Variants in CDH24 observed in about 807,000 individuals in gnomAD.
CDH24 encodes the protein cadherin-24.
A neutral mutation model predicts 71.2 loss-of-function variants in CDH24; 61 were observed. The ratio of observed to expected loss-of-function variants is 0.86; its 90% CI spans 0.70 to 1.06. The LOEUF (loss-of-function observed/expected upper bound fraction) is 1.06, where lower values mean the gene tolerates loss of function less well. CDH24 is among the 50% of genes least tolerant of loss of function. The pLI, the probability that CDH24 is intolerant of heterozygous loss-of-function variation, is 0.00. For synonymous variants in CDH24, 440 were observed against 470.2 expected (o/e 0.94, Z 0.83); for missense variants, 961 against 1,083.7 (o/e 0.89, Z 1.59).
rs763750585 is a variant in CDH24 at position 23,054,179 on chromosome 14, CTG to C, written c.932_933del (p.Thr311ArgfsTer18). 2 of 1,612,324 alleles carry C rather than the reference CTG, an allele frequency of 1.2e-6. No homozygotes were observed. Among genetic ancestry groups the C allele is most frequent in the Non-Finnish European group, 1.7e-6 (2 of 1,179,198 alleles). On this transcript the variant is annotated frameshift_variant, in exon 6 of 13. Coordinates refer to ENST00000487137, the MANE Select transcript of CDH24 (RefSeq NM_144985.4). LOFTEE classifies it high-confidence loss of function. The surrounding 1 kb of genome is among the most constrained non-coding windows in gnomAD (Gnocchi z 5.2). ...GEGSEAFSIS[T>X]DLQGRDGLLT... ...AGGAGCCCGTCTCGACCCTGCAAGT[CTG>C]TGCTGATGCTGAAGGCCTCAGACCC...
Position 23,055,197 on chromosome 14 carries a change from G to T in CDH24, c.358C>A (p.Gln120Lys), listed in dbSNP as rs1566724601. The change falls in exon 3 of 13, where the codon CAA (glutamine) becomes AAA (lysine). Residue 120 changes from glutamine to lysine, a missense_variant. This residue lies in a region of CDH24 where 671 missense variants were observed against 810.9 expected (regional missense o/e 0.83). Coordinates refer to ENST00000487137, the MANE Select transcript of CDH24 (RefSeq NM_144985.4). This position sits in a 1 kb window ranked among gnomAD's most constrained non-coding sequence, Gnocchi z 4.1. The part of the protein sequence containing the change: ...EEKAQYVLLA[Q>K]AVDRASNRPL... ...CGGTTGGAGGCTCGGTCCACGGCTT[G>T]GGCCAGTAGCACATATTGCGCCTTT... 6.2e-7 allele frequency: 1 copy of T among 1,614,180 alleles called. No homozygotes were observed. The highest frequency in any genetic ancestry group is 8.5e-7 in the Non-Finnish European group (1 of 1,180,028).
At position 23,049,817 on chromosome 14, in the gene CDH24, C is replaced by T. The variant is rs768549590; in HGVS notation, c.1485+5G>A. 4 of 1,613,800 alleles carry T rather than the reference C, an allele frequency of 2.5e-6. No homozygotes were observed. Among genetic ancestry groups the T allele is most frequent in the South Asian group, 1.1e-5 (1 of 91,072 alleles). On this transcript the variant is annotated splice_donor_5th_base_variant and intron_variant, in intron 9 of 12. Transcript: ENST00000487137. The stretch of plus-strand genomic sequence containing the variant: ...CGTCCCAACCCCTCTGCCTCAGTTG[C>T]TCACCTGGCCAGGAGCTGCAGAGTC...
At position 23,047,850 on chromosome 14, in the gene CDH24, A is replaced by T; in HGVS notation, c.*130T>A. The T allele has an allele frequency of 1.9e-6, 1 of 539,062 alleles. No homozygotes were observed. Among genetic ancestry groups the T allele is most frequent in the Non-Finnish European group, 2.8e-6 (1 of 355,962 alleles). 33.4% of individuals were successfully genotyped at this position (539,062 alleles called of 1,614,324 possible). On this transcript the variant is annotated 3_prime_UTR_variant, in exon 12 of 13. Transcript: ENST00000487137. Reference sequence around the variant, plus strand: ...GCGAGGGTGCCCCGGGGAAGCAAGGAGGGACACAAGGACAGGGAGGAGGCC... The same window carrying T: ...GCGAGGGTGCCCCGGGGAAGCAAGGTGGGACACAAGGACAGGGAGGAGGCC...
In CDH24 at chr14:23,054,686, G is replaced by A; in HGVS notation, c.617-13C>T. On this transcript the variant is annotated splice_polypyrimidine_tract_variant and intron_variant, in intron 4 of 12. Coordinates refer to ENST00000487137, the MANE Select transcript of CDH24 (RefSeq NM_144985.4). This position sits in a 1 kb window ranked among gnomAD's most constrained non-coding sequence, Gnocchi z 5.2. ...GTACGCACCACTCCTAGGGAGAGAT[G>A]CTGGTCAGAGGGTGTCTGTCCCCTT... 6.2e-7 allele frequency: 1 copy of A among 1,614,018 alleles called. No homozygotes were observed. Among genetic ancestry groups the A allele is most frequent in the Non-Finnish European group, 8.5e-7 (1 of 1,179,946 alleles).
chr14:23,055,103 G>A lies in CDH24; in HGVS notation c.452C>T (p.Pro151Leu), dbSNP rs1334405452. The A allele has an allele frequency of 6.2e-7, 1 of 1,613,890 alleles. No individual in the cohort carries two copies. The change falls in exon 3 of 13, where the codon CCC becomes CTC. Residue 151 changes from proline (P) to leucine (L), a missense_variant. Physicochemically the swap from Pro to Leu is moderately conservative, Grantham distance 98. Transcript: ENST00000487137. The surrounding 1 kb of genome is among the most constrained non-coding windows in gnomAD (Gnocchi z 4.1). ...CACGGTGGCATGGTAGGGCCCAAGG[G>A]GAAAAATGGGTGGATTGTCGTTGAT... ...QDINDNPPIFPLGPYHATVPE... is the reference protein window; with the variant it reads ...QDINDNPPIFLLGPYHATVPE...
chr14:23,055,072 C>T lies in CDH24; in HGVS notation c.483G>A (p.Glu161=), dbSNP rs754111616. Residue 161 remains glutamate (E), a synonymous_variant, in exon 3 of 13, where the codon GAG becomes GAA. Coordinates refer to ENST00000487137, the MANE Select transcript of CDH24 (RefSeq NM_144985.4). The surrounding 1 kb of genome is among the most constrained non-coding windows in gnomAD (Gnocchi z 4.1). ...TGGGGTGCTCACCGACATTGGACATCTCGGGCACGGTGGCATGGTAGGGCC... is the reference window on the plus strand; with the variant it reads ...TGGGGTGCTCACCGACATTGGACATTTCGGGCACGGTGGCATGGTAGGGCC... ...PLGPYHATVP[E]MSNVGTSVIQ... is the part of the protein sequence containing the mutation. The T allele has an allele frequency of 6.2e-7, 1 of 1,611,328 alleles. No individual in the cohort carries two copies. Among genetic ancestry groups the T allele is most frequent in the South Asian group, 1.1e-5 (1 of 90,992 alleles).
rs745895687 is a variant in CDH24 at position 23,048,310 on chromosome 14, G to C, written c.2016C>G (p.Ala672=). ...GCGCGGGAGGGCCGGGCGCCGGGGG[G>C]GCCGCCCCGTCCGGGTTCTGCAAGG... ...ITALQNPDGA[A]PPAPGPPARR... The change falls in exon 12 of 13, where the codon GCC becomes GCG. Residue 672 remains alanine (A), a synonymous_variant. Transcript: ENST00000487137. The C allele has an allele frequency of 5.0e-6, 8 of 1,605,704 alleles. No individual in the cohort carries two copies. Among genetic ancestry groups the C allele is most frequent in the South Asian group, 2.2e-5 (2 of 90,652 alleles).
rs758584374 is a variant in CDH24 at position 23,054,487 on chromosome 14, G to A, written c.784+19C>T. On this transcript the variant is annotated intron_variant, in intron 5 of 12. Transcript: ENST00000487137. The surrounding 1 kb of genome is among the most constrained non-coding windows in gnomAD (Gnocchi z 5.2). Reference sequence around the variant, plus strand: ...GGGGTGATCAAAGGATGGCTCAGGTGGCAGCAATGGCCCCTTACTCTGTGG... The same window carrying A: ...GGGGTGATCAAAGGATGGCTCAGGTAGCAGCAATGGCCCCTTACTCTGTGG... 1 of 1,606,598 alleles carries A rather than the reference G, an allele frequency of 6.2e-7. No homozygotes were observed. Among genetic ancestry groups the A allele is most frequent in the African/African-American group, 1.3e-5 (1 of 74,844 alleles).
chr14:23,054,696 G>A lies in CDH24; in HGVS notation c.617-23C>T. 6.2e-7 allele frequency: 1 copy of A among 1,613,990 alleles called. No homozygotes were observed. The highest frequency in any genetic ancestry group is 1.3e-5 in the African/African-American group (1 of 75,010). ...CTCCTAGGGAGAGATGCTGGTCAGA[G>A]GGTGTCTGTCCCCTTGGCTGCCCCA... On this transcript the variant is annotated intron_variant, in intron 4 of 12. Coordinates refer to ENST00000487137, the MANE Select transcript of CDH24 (RefSeq NM_144985.4). This position sits in a 1 kb window ranked among gnomAD's most constrained non-coding sequence, Gnocchi z 5.2.
In CDH24 at chr14:23,051,498, T is replaced by C. The variant is rs1012904731; in HGVS notation, c.1363+975A>G. Among the ~76,000 whole-genome samples the C allele has an allele frequency of 6.6e-6, 1 of 152,028 alleles. No individual in the cohort carries two copies. Among genetic ancestry groups the C allele is most frequent in the South Asian group, 2.1e-4 (1 of 4,834 alleles). On this transcript the variant is annotated intron_variant, in intron 8 of 12. Coordinates refer to ENST00000487137, the MANE Select transcript of CDH24 (RefSeq NM_144985.4). This position sits in a 1 kb window ranked among gnomAD's most constrained non-coding sequence, Gnocchi z 4.4. ...CAAATACCCACATACACAAAACACATACAAACAGCTACATGTGCATACCAC... is the reference window on the plus strand; with the variant it reads ...CAAATACCCACATACACAAAACACACACAAACAGCTACATGTGCATACCAC...
In CDH24 at chr14:23,048,498, C is replaced by T. The variant is rs745873277; in HGVS notation, c.1847-19G>A. 9.4e-6 allele frequency: 15 copies of T among 1,599,886 alleles called. No homozygotes were observed. The highest frequency in any genetic ancestry group is 1.3e-5 in the African/African-American group (1 of 74,782). ...ACCAGGGCTGCGCGAGAGGCGCGCACACAGGCCCTGAGCCAGCAGGGCCGG... is the reference window on the plus strand; with the variant it reads ...ACCAGGGCTGCGCGAGAGGCGCGCATACAGGCCCTGAGCCAGCAGGGCCGG... On this transcript the variant is annotated intron_variant, in intron 11 of 12. Transcript: ENST00000487137.
At chr14:23,052,366 C>T (rs561328002) in intron 8 of CDH24, 107 bp downstream of exon 8, 33 of 1,235,502 alleles carry the variant, frequency 2.7e-5, no homozygotes, top group Admixed American at 2.2e-4. Flanking sequence ...AGTGGCCGCA[C>T]GCTGGTGAGG....
chr14:23,049,611 GTAGGAGGCCACC>G lies in CDH24; in HGVS notation c.1597+4_1597+15del. On this transcript the variant is annotated splice_donor_5th_base_variant and intron_variant, in intron 10 of 12. Transcript: ENST00000487137. ...GACAGAGGCAGGTATGGACATGGCT[GTAGGAGGCCACC>G]TACCTCGGTTGTCCTGGACAGTAAA... 7.0e-7 allele frequency: 1 copy of G among 1,435,470 alleles called. No individual in the cohort carries two copies. The highest frequency in any genetic ancestry group is 1.3e-5 in the South Asian group (1 of 76,408). 88.9% of individuals were successfully genotyped at this position (1,435,470 alleles called of 1,614,324 possible). A position where few individuals can be genotyped will look rare whatever the true frequency, so the allele number is the denominator to read the frequency against.
At position 23,054,748 on chromosome 14, in the gene CDH24, A is replaced by C; in HGVS notation, c.615T>G (p.Thr205=). ...GLPFFSVDPQ[T]GVVRTAIPNM... is the part of the protein sequence containing the mutation. ...CGGGCTCCCAGGCTCCATCCTCACC[A>C]GTCTGGGGGTCCACAGAGAAGAAAG... is the stretch of plus-strand genomic sequence containing the variant. The change falls in exon 4 of 13, where the codon ACT becomes ACG. Residue 205 remains threonine (T), a splice_region_variant and synonymous_variant. Transcript: ENST00000487137. This position sits in a 1 kb window ranked among gnomAD's most constrained non-coding sequence, Gnocchi z 5.2. 6.2e-7 allele frequency: 1 copy of C among 1,614,106 alleles called. No homozygotes were observed. The highest frequency in any genetic ancestry group is 8.5e-7 in the Non-Finnish European group (1 of 1,179,990).
chr14:23,049,957 A>T lies in CDH24; in HGVS notation c.1364-14T>A. On this transcript the variant is annotated splice_polypyrimidine_tract_variant and intron_variant, in intron 8 of 12. Coordinates refer to ENST00000487137, the MANE Select transcript of CDH24 (RefSeq NM_144985.4). ...GTGCAGAACTGTCTGAAGGCAGAAC[A>T]CCAAAACATACACGCCACACACACA... 1 of 1,609,238 alleles carries T rather than the reference A, an allele frequency of 6.2e-7. No individual in the cohort carries two copies. Among genetic ancestry groups the T allele is most frequent in the Non-Finnish European group, 8.5e-7 (1 of 1,176,512 alleles).
Position 23,050,002 on chromosome 14 carries a change from CAT to C in CDH24, c.1364-61_1364-60del, listed in dbSNP as rs1320279180. On this transcript the variant is annotated intron_variant, in intron 8 of 12. Coordinates refer to ENST00000487137, the MANE Select transcript of CDH24 (RefSeq NM_144985.4). The stretch of plus-strand genomic sequence containing the variant: ...CACACACCACACAGTTTACACGTAA[CAT>C]ATGTGGTGCATGGGCATGGATGCCA... 130 of 1,583,104 alleles carry C rather than the reference CAT, an allele frequency of 8.2e-5. 1 individual carries two copies. In the East Asian group the frequency reaches 2.1e-3, roughly 26 times the overall value.
intron 8 of CDH24, among the ~76,000 whole-genome samples, chr14:23,050,836 G>A (rs2047080852): frequency 1.3e-5 from 2 of 152,206 alleles, no homozygotes; most frequent in South Asian, 4.1e-4. Context: ...CTAGCCTTGG[G>A]GAAAGGGGCT....
Position 23,055,177 on chromosome 14 carries a change from G to T in CDH24, c.378C>A (p.Ser126=), listed in dbSNP as rs374189302. The T allele has an allele frequency of 8.7e-6, 14 of 1,614,102 alleles. No individual in the cohort carries two copies. Among genetic ancestry groups the T allele is most frequent in the African/African-American group, 4.0e-5 (3 of 74,932 alleles). The change falls in exon 3 of 13, where the codon TCC becomes TCA. Residue 126 remains serine (S), a synonymous_variant. Coordinates refer to ENST00000487137, the MANE Select transcript of CDH24 (RefSeq NM_144985.4). This position sits in a 1 kb window ranked among gnomAD's most constrained non-coding sequence, Gnocchi z 4.1. ...VLLAQAVDRA[S]NRPLEPPSEF... The stretch of plus-strand genomic sequence containing the variant: ...CTGATGGGGGCTCCAGGGGCCGGTT[G>T]GAGGCTCGGTCCACGGCTTGGGCCA...
chr14:23,048,145 C>T lies in CDH24; in HGVS notation c.2181G>A (p.Val727=). The T allele has an allele frequency of 7.2e-7, 1 of 1,384,310 alleles. No homozygotes were observed. Among genetic ancestry groups the T allele is most frequent in the Non-Finnish European group, 9.4e-7 (1 of 1,068,814 alleles). 85.8% of individuals were successfully genotyped at this position (1,384,310 alleles called of 1,614,324 possible). A position where few individuals can be genotyped will look rare whatever the true frequency, so the allele number is the denominator to read the frequency against. ...PGVPPYDSVQ[V]YGYEGRGSSC... is the part of the protein sequence containing the mutation. ...AGGAGCCGCGGCCCTCGTAGCCGTA[C>T]ACCTGCACCGAGTCGTACGGGGGTA... is the stretch of plus-strand genomic sequence containing the variant. The change falls in exon 12 of 13, where the codon GTG becomes GTA. Residue 727 remains valine, a synonymous_variant. Coordinates refer to ENST00000487137, the MANE Select transcript of CDH24 (RefSeq NM_144985.4).
Sources: gnomAD v4.1 joint callset for allele counts (sites outside exome capture counted in the v4.1 genomes callset) on GRCh38, gnomAD v4.1.1 for gene constraint, gnomAD v4.1.1 regional missense constraint, Gnocchi (gnomAD v3.1) non-coding constraint, MANE v1.5 for transcripts, NCBI Gene and HGNC (gene_info 2026-07-23, HGNC 2026-07-21) for gene names.